Variants in CDH3 observed in about 807,000 individuals in gnomAD.
CDH3 encodes cadherin 3, also known as cadherin-3.
In CDH3, 54 loss-of-function variants were observed where a neutral mutation model predicts 82.0. That is an observed-to-expected ratio of 0.66 (90% CI 0.53 to 0.83). The LOEUF is 0.83. Ranked by LOEUF, CDH3 falls within the 40% of genes least tolerant of loss-of-function variation. The pLI, the probability that CDH3 is intolerant of heterozygous loss-of-function variation, is 0.00. For synonymous variants in CDH3, 446 were observed against 437.9 expected (o/e 1.02, Z -0.23); for missense variants, 1,054 against 1,084.6 (o/e 0.97, Z 0.40).
chr16:68,664,670 ATTATT>A (rs1960686626), intron 2 of CDH3, among the ~76,000 whole-genome samples: 2 of 152,016 alleles, frequency 1.3e-5, no homozygotes, highest in Non-Finnish European at 2.9e-5. Flanking sequence ...TATTATTATT[ATTATT>A]TTGAGACAGG....
chr16:68,695,876 C>T lies in CDH3; in HGVS notation c.2233C>T (p.Arg745Cys), dbSNP rs950334784. 21 of 1,613,998 alleles carry T rather than the reference C, an allele frequency of 1.3e-5. No homozygotes were observed. Among genetic ancestry groups the T allele is most frequent in the Middle Eastern group, 1.6e-4 (1 of 6,084 alleles). Residue 745 changes from arginine to cysteine, a missense_variant, in exon 15 of 16, where the codon CGT becomes TGT. Coordinates refer to ENST00000264012, the MANE Select transcript of CDH3 (RefSeq NM_001793.6). ...APTIIPTPMY[R>C]PRPANPDEIG... The stretch of plus-strand genomic sequence containing the variant: ...AACCATCATCCCGACACCCATGTAC[C>T]GTCCTCGGCCAGCCAACCCAGATGA...
At chr16:68,721,263 G>A (rs1256999006) in intron 1 of CDH3, among the ~76,000 whole-genome samples, 1 of 126,830 alleles carries the variant, frequency 7.9e-6, no homozygotes, top group Non-Finnish European at 1.6e-5. Context: ...ATGGAGTCTC[G>A]CTGTTGTCGG....
chr16:68,718,015 T>TGTTGCCCAGGCTGGA (rs111603523), intron 1 of CDH3, among the ~76,000 whole-genome samples: 2 of 152,078 alleles, frequency 1.3e-5, no homozygotes, highest in African/African-American at 2.4e-5. Context: ...AGTCTCATTC[T>TGTTGCCCAGGCTGGA]GTTGCCCAGG....
chr16:68,650,521 G>A (rs1159263358), intron 2 of CDH3, among the ~76,000 whole-genome samples: 2 of 152,132 alleles, frequency 1.3e-5, no homozygotes, highest in African/African-American at 4.8e-5. Flanking sequence ...GGCTGGTGTC[G>A]AACTCCCGAT....
intron 1 of CDH3, among the ~76,000 whole-genome samples, chr16:68,708,247 A>T (rs538537303): frequency 6.6e-6 from 1 of 152,126 alleles, no homozygotes; most frequent in South Asian, 2.1e-4. Context: ...AGAATCCTTG[A>T]ACCTGGGAGG....
At chr16:68,676,534 G>A (rs1398218399) in intron 3 of CDH3, 64 bp downstream of exon 3, 2 of 1,324,140 alleles carry the variant, frequency 1.5e-6, no homozygotes, top group Non-Finnish European at 2.2e-6. Context: ...CCAAATTGCT[G>A]GCCAGGAGCC....
intron 2 of CDH3, 45 bp from the exon 3 acceptor site, chr16:68,676,340 G>A (rs1352455987): frequency 7.0e-7 from 1 of 1,431,696 alleles, no homozygotes; most frequent in African/African-American, 1.4e-5. Context: ...GCAACTTCCA[G>A]AATACTCCTG....
At chr16:68,650,003 CAG>C (rs1250034522) in intron 2 of CDH3, among the ~76,000 whole-genome samples, 1 of 151,928 alleles carries the variant, frequency 6.6e-6, no homozygotes, top group Non-Finnish European at 1.5e-5. Context: ...CACTGTACTC[CAG>C]CCTGGGCAAC....
intron 2 of CDH3, among the ~76,000 whole-genome samples, chr16:68,723,148 A>AT (rs1180884782): frequency 6.6e-6 from 1 of 151,954 alleles, no homozygotes; most frequent in Non-Finnish European, 1.5e-5. Context: ...ATAGCGAATA[A>AT]TTATGAACTC....
At chr16:68,733,466 G>A in the CDH3 span, among the ~76,000 whole-genome samples, 1 of 152,120 alleles carries the variant, frequency 6.6e-6, no homozygotes, top group Non-Finnish European at 1.5e-5. Context: ...ACAGAGGGCA[G>A]GCACAGTGGC....
chr16:68,645,839 G>C, intron 2 of CDH3, 89 bp downstream of exon 2: 2 of 990,120 alleles, frequency 2.0e-6, no homozygotes. Context: ...GCCGGGGCAA[G>C]GGACTCCTGG....
rs1165642610 is a variant in CDH3, at chr16:68,645,641, C to G, written c.51C>G (p.Cys17Trp). ...PLASLLLLQVCWLQCAASEPC... is the reference protein window; with the variant it reads ...PLASLLLLQVWWLQCAASEPC... ...CTCTCTGCCCTCGGGCGCAGGTTTG[C>G]TGGCTGCAGTGCGCGGCCTCCGAGC... The change falls in exon 2 of 16, where the codon TGC (cysteine) becomes TGG (tryptophan). Residue 17 changes from cysteine (C) to tryptophan (W), a missense_variant. Coordinates refer to ENST00000264012, the MANE Select transcript of CDH3 (RefSeq NM_001793.6). 2 of 1,542,008 alleles carry G rather than the reference C, an allele frequency of 1.3e-6. No homozygotes were observed. Among genetic ancestry groups the G allele is most frequent in the Non-Finnish European group, 1.7e-6 (2 of 1,146,480 alleles).
intron 13 of CDH3, among the ~76,000 whole-genome samples, chr16:68,694,981 A>C (rs1961673639): frequency 6.6e-6 from 1 of 152,138 alleles, no homozygotes; most frequent in Non-Finnish European, 1.5e-5. Context: ...AAGGTTCTTA[A>C]GGGGAAGTTG....
At chr16:68,679,101 T>G (rs1179472001) in intron 6 of CDH3, among the ~76,000 whole-genome samples, 195 bp downstream of exon 6, 1 of 152,192 alleles carries the variant, frequency 6.6e-6, no homozygotes, top group Non-Finnish European at 1.5e-5. Context: ...ATCTGTATAT[T>G]TGAAATTTTC....
At chr16:68,721,302 C>T (rs897638730) in intron 1 of CDH3, among the ~76,000 whole-genome samples, 3 of 143,804 alleles carry the variant, frequency 2.1e-5, no homozygotes, top group South Asian at 4.4e-4. Context: ...AGCACGATCT[C>T]GGCTCACTGC....
chr16:68,688,946 C>T (rs1373366474), intron 12 of CDH3, among the ~76,000 whole-genome samples: 1 of 152,178 alleles, frequency 6.6e-6, no homozygotes, highest in African/African-American at 2.4e-5. Context: ...TAGGCAGTCT[C>T]ACTCACCATG....
chr16:68,685,328 C>A lies in CDH3; in HGVS notation c.1548C>A (p.Val516=). 1 of 1,614,106 alleles carries A rather than the reference C, an allele frequency of 6.2e-7. No homozygotes were observed. Among genetic ancestry groups the A allele is most frequent in the South Asian group, 1.1e-5 (1 of 91,058 alleles). ...EQFVRNNIYE[V]MVLAMDNGSP... ...TTGTGAGGAACAACATCTATGAAGTCATGGTCTTGGCCATGGACAATGGTG... is the reference window on the plus strand; with the variant it reads ...TTGTGAGGAACAACATCTATGAAGTAATGGTCTTGGCCATGGACAATGGTG... The change falls in exon 11 of 16, where the codon GTC becomes GTA. Residue 516 remains valine (V), a synonymous_variant. Coordinates refer to ENST00000264012, the MANE Select transcript of CDH3 (RefSeq NM_001793.6).
At chr16:68,712,329 C>A (rs932325157) in intron 1 of CDH3, among the ~76,000 whole-genome samples, 2 of 152,078 alleles carry the variant, frequency 1.3e-5, no homozygotes, top group African/African-American at 4.8e-5. Context: ...AGCCATCACA[C>A]CCGGCCCAGA....
At chr16:68,718,613 T>G (rs896921793) in intron 1 of CDH3, among the ~76,000 whole-genome samples, 4 of 151,578 alleles carry the variant, frequency 2.6e-5, no homozygotes, top group African/African-American at 9.7e-5. Context: ...ACCCGGGAGG[T>G]GGAGGTTGCA....
Sources: gnomAD v4.1 joint callset for allele counts (sites outside exome capture counted in the v4.1 genomes callset) on GRCh38, gnomAD v4.1.1 for gene constraint, MANE v1.5 for transcripts, NCBI Gene and HGNC (gene_info 2026-07-23, HGNC 2026-07-21) for gene names.